The following CTNND2 variants were observed in gnomAD, a reference collection of about 807,000 sequenced individuals.
CTNND2 encodes catenin delta 2, also known as catenin delta-2.
A neutral mutation model predicts 144.4 loss-of-function variants in CTNND2; 22 were observed. That is an observed-to-expected ratio of 0.15 (90% CI 0.11 to 0.22). The LOEUF (loss-of-function observed/expected upper bound fraction) is 0.22. Among genes scored for constraint, CTNND2 ranks in the 10% least tolerant of loss-of-function variants. The probability of loss-of-function intolerance (pLI) is 1.00; values close to 1 mark genes in which losing one functional copy is unlikely to be tolerated. For synonymous variants in CTNND2, 751 were observed against 695.6 expected (o/e 1.08, Z -1.25); for missense variants, 1,353 against 1,618.8 (o/e 0.84, Z 2.82).
intron 1 of CTNND2, among the ~76,000 whole-genome samples, chr5:11,750,916 A>G (rs1788576897): frequency 6.6e-6 from 1 of 151,854 alleles, no homozygotes; most frequent in Non-Finnish European, 1.5e-5. Context: ...CTCATACAAC[A>G]TTGTGATATA....
At chr5:11,507,519 G>A (rs925496473) in intron 3 of CTNND2, among the ~76,000 whole-genome samples, 1 of 152,166 alleles carries the variant, frequency 6.6e-6, no homozygotes. Flanking sequence ...TACCACATGG[G>A]CTCCTAGGTG....
In CTNND2 at chr5:11,022,779, T is replaced by G; in HGVS notation, c.2989A>C (p.Lys997Gln). 9 of 1,613,872 alleles carry G rather than the reference T, an allele frequency of 5.6e-6. No individual in the cohort carries two copies. Among genetic ancestry groups the G allele is most frequent in the Non-Finnish European group, 7.6e-6 (9 of 1,179,882 alleles). The change falls in exon 17 of 22, where the codon AAA becomes CAA. Residue 997 changes from lysine (K) to glutamine (Q), a missense_variant. Physicochemically the swap from Lys to Gln is moderately conservative, Grantham distance 53. Transcript: ENST00000304623. Reference protein sequence around the residue: ...IEKLVGISKSKGDKHSPKVVK... With the variant: ...IEKLVGISKSQGDKHSPKVVK... Reference sequence around the variant, plus strand: ...CACCAGGTAACTTACTTATCTCCTTTGCTTTTGGAGATGCCGACCAACTTC... The same window carrying G: ...CACCAGGTAACTTACTTATCTCCTTGGCTTTTGGAGATGCCGACCAACTTC...
In CTNND2 at chr5:11,463,084, C is replaced by G. The variant is rs61758943; in HGVS notation, c.288-51015G>C. Among the ~76,000 whole-genome samples, 18 of 152,266 alleles carry G rather than the reference C, an allele frequency of 1.2e-4. No individual in the cohort carries two copies. In the East Asian group the frequency reaches 3.5e-3, roughly 29 times the overall value. On this transcript the variant is annotated intron_variant, in intron 3 of 21. Transcript: ENST00000304623. ...TAATAGCTTTGACAATTTAAATCCT[C>G]CCATTTTAGCATTTCATTTCAAGTG...
chr5:11,759,112 A>G (rs2126801330), intron 1 of CTNND2, among the ~76,000 whole-genome samples: 1 of 152,186 alleles, frequency 6.6e-6, no homozygotes, highest in South Asian at 2.1e-4. Flanking sequence ...GCTTCTTTAC[A>G]TAGAAATATT....
chr5:11,731,986 A>G, intron 2 of CTNND2, 150 bp downstream of exon 2: 2 of 605,406 alleles, frequency 3.3e-6, no homozygotes, highest in Non-Finnish European at 5.0e-6. Context: ...AATTATAACC[A>G]TATTACAATA....
intron 10 of CTNND2, among the ~76,000 whole-genome samples, chr5:11,234,442 C>A (rs1741388094): frequency 6.6e-6 from 1 of 152,176 alleles, no homozygotes; most frequent in Non-Finnish European, 1.5e-5. Context: ...AGAAAAGAGG[C>A]CCCAGGATAA....
At chr5:11,130,261 C>A (rs900284249) in intron 12 of CTNND2, among the ~76,000 whole-genome samples, 2 of 151,752 alleles carry the variant, frequency 1.3e-5, no homozygotes, top group East Asian at 1.9e-4. Context: ...CATACCACAC[C>A]CCCCCCATCC....
chr5:11,172,592 G>C (rs187182545), intron 11 of CTNND2, among the ~76,000 whole-genome samples: 54 of 152,268 alleles, frequency 3.5e-4, no homozygotes, highest in African/African-American at 1.2e-3. Flanking sequence ...TGAAAGAAGT[G>C]GTCTCAAGCC....
At chr5:11,301,943 G>A (rs982158963) in intron 9 of CTNND2, among the ~76,000 whole-genome samples, 1 of 152,154 alleles carries the variant, frequency 6.6e-6, no homozygotes, top group African/African-American at 2.4e-5. Flanking sequence ...CTCGGACTGA[G>A]TTGTGTCCTT....
At chr5:11,022,366 T>C (rs910599099) in intron 17 of CTNND2, among the ~76,000 whole-genome samples, 1 of 152,130 alleles carries the variant, frequency 6.6e-6, no homozygotes, top group African/African-American at 2.4e-5. Context: ...CCCCCATCCT[T>C]CCTGCATGGT....
At chr5:11,582,130 T>C (rs1778484437) in intron 2 of CTNND2, among the ~76,000 whole-genome samples, 1 of 152,136 alleles carries the variant, frequency 6.6e-6, no homozygotes, top group Non-Finnish European at 1.5e-5. Flanking sequence ...GCATTACAGC[T>C]ACAGTATACC....
At position 11,397,176 on chromosome 5, in the gene CTNND2, A is replaced by T; in HGVS notation, c.467T>A (p.Leu156His). ...ERPSLLSQSA[L>H]QLNSKPEGSF... Reference sequence around the variant, plus strand: ...CCCTTCAGGTTTGGAATTGAGCTGAAGTGCACTCTGGGAGAGCAGGCTGGG... The same window carrying T: ...CCCTTCAGGTTTGGAATTGAGCTGATGTGCACTCTGGGAGAGCAGGCTGGG... The change falls in exon 6 of 22, where the codon CTT becomes CAT. Residue 156 changes from leucine to histidine, a missense_variant. Around this residue, in one of 4 missense-constraint regions of CTNND2, gnomAD observed 708 missense variants for 706.4 expected, o/e 1.00. Transcript: ENST00000304623. The T allele has an allele frequency of 3.7e-6, 6 of 1,614,206 alleles. No individual in the cohort carries two copies. The highest frequency in any genetic ancestry group is 5.1e-6 in the Non-Finnish European group (6 of 1,180,018).
chr5:11,265,166 A>G (rs1176535990), intron 9 of CTNND2, among the ~76,000 whole-genome samples: 3 of 152,216 alleles, frequency 2.0e-5, no homozygotes, highest in African/African-American at 7.2e-5. Context: ...AACTGCCATA[A>G]ATGTTCTAAA....
chr5:11,778,831 C>T (rs1290289653), intron 1 of CTNND2, among the ~76,000 whole-genome samples: 3 of 152,194 alleles, frequency 2.0e-5, no homozygotes, highest in Non-Finnish European at 4.4e-5. Context: ...CATGCGAATG[C>T]AAAACTTTAA....
chr5:11,127,614 G>A (rs1162309248), intron 12 of CTNND2, among the ~76,000 whole-genome samples: 1 of 152,166 alleles, frequency 6.6e-6, no homozygotes, highest in Non-Finnish European at 1.5e-5. Flanking sequence ...GGCTGCTTTG[G>A]AGCAGCAACT....
In CTNND2 at chr5:11,727,148, G is replaced by A. The variant is rs183058771; in HGVS notation, c.174+4988C>T. Among the ~76,000 whole-genome samples, 3 of 152,096 alleles carry A rather than the reference G, an allele frequency of 2.0e-5. No homozygotes were observed. The South Asian group carries it at 6.3e-4, about 32-fold the overall frequency. ...TATTTATCATTTTTCTGATGCACAG[G>A]GTTAACAAGTAAACAAATACACTTC... On this transcript the variant is annotated intron_variant, in intron 2 of 21. Coordinates refer to ENST00000304623, the MANE Select transcript of CTNND2 (RefSeq NM_001332.4).
At chr5:11,043,804 G>C (rs1473935243) in intron 16 of CTNND2, among the ~76,000 whole-genome samples, 1 of 152,160 alleles carries the variant, frequency 6.6e-6, no homozygotes, top group African/African-American at 2.4e-5. Context: ...AAAGGAGAAA[G>C]ATTTGATGAG....
Position 11,346,567 on chromosome 5 carries a change from G to T in CTNND2, c.1433C>A (p.Pro478Gln). 1 of 1,600,266 alleles carries T rather than the reference G, an allele frequency of 6.2e-7. No homozygotes were observed. The change falls in exon 9 of 22, where the codon CCA (proline) becomes CAA (glutamine). Residue 478 changes from proline (P) to glutamine (Q), a missense_variant. By Grantham distance (76) the Pro-to-Gln change is moderately conservative. Coordinates refer to ENST00000304623, the MANE Select transcript of CTNND2 (RefSeq NM_001332.4). ...GAAGGTGGCCGCGGCGGCATTCTGT[G>T]GGCCGTGCTGGCTGCCTGTGCGCTG... ...PLQRTGSQHG[P>Q]QNAAAATFQR...
intron 11 of CTNND2, among the ~76,000 whole-genome samples, chr5:11,195,952 T>C (rs1278896054): frequency 6.6e-6 from 1 of 152,254 alleles, no homozygotes; most frequent in African/African-American, 2.4e-5. Flanking sequence ...AAGAAAATTA[T>C]TTATTGCAAG....
Sources: allele counts gnomAD v4.1 joint callset (sites outside exome capture counted in the v4.1 genomes callset), GRCh38; gene constraint gnomAD v4.1.1; regional missense constraint gnomAD v4.1.1; transcripts MANE v1.5; gene names NCBI Gene and HGNC (gene_info 2026-07-23, HGNC 2026-07-21).